FAM83E: variants seen among roughly 807,000 people sequenced by gnomAD.
FAM83E encodes scaffolding CK1 anchoring protein E.
A neutral mutation model predicts 34.3 loss-of-function variants in FAM83E; 29 were observed. The observed-to-expected ratio is 0.85, with a 90% CI of 0.63 to 1.15. FAM83E has a LOEUF of 1.15. Ranked by LOEUF, FAM83E falls within the 50% of genes most tolerant of loss-of-function variation. FAM83E has a pLI of 0.00. For synonymous variants in FAM83E, 312 were observed against 311.6 expected, an observed-to-expected ratio of 1.00 and a Z score of -0.01; for missense variants, 697 against 685.0, an observed-to-expected ratio of 1.02 and a Z score of -0.20.
chr19:48,601,027 G>A lies in FAM83E; in HGVS notation c.*82C>T. ...GGCCAGAAGCCTTGTCCAAGGCAGG[G>A]CATTGAGGCAGAGGGCTCTGAGCCG... On this transcript the variant is annotated 3_prime_UTR_variant, in exon 7 of 7. Transcript: ENST00000263266. 1.3e-6 allele frequency: 2 copies of A among 1,510,028 alleles called. No individual in the cohort carries two copies. The highest frequency in any genetic ancestry group is 2.2e-5 in the Admixed American group (1 of 45,648). 93.5% of individuals were successfully genotyped at this position (1,510,028 alleles called of 1,614,324 possible).
intron 5 of FAM83E, chr19:48,606,633 C>T: frequency 3.5e-6 from 1 of 287,038 alleles, no homozygotes. Context: ...TGCGCCCCGG[C>T]AGGTCGGCGG....
intron 3 of FAM83E, 129 bp from the exon 4 acceptor site, chr19:48,610,976 A>T: frequency 1.1e-6 from 1 of 939,880 alleles, no homozygotes; most frequent in Non-Finnish European, 1.6e-6. Flanking sequence ...TTTAAAGTTC[A>T]GGTGGGCTAA....
In FAM83E at chr19:48,614,777, GGCTCCCCGGCTTCTACTTCTGCGGT is replaced by G. The variant is rs1192792991; in HGVS notation, c.-1350_-1326del. 7.2e-4 allele frequency: 714 copies of G among 985,382 alleles called. No individual in the cohort carries two copies. Among genetic ancestry groups the G allele is most frequent in the Admixed American group, 6.1e-3 (99 of 16,230 alleles). The allele number at this position is 985,382 out of a possible 1,614,324, so 61.0% of individuals were successfully genotyped here. ...TGCTTTTTCCGAGAACGTAGGCTGTGGCTCCCCGGCTTCTACTTCTGCGGTGCTTCCCGGCTTCTGGCCTCACTCA... is the reference window on the plus strand; with the variant it reads ...TGCTTTTTCCGAGAACGTAGGCTGTGGCTTCCCGGCTTCTGGCCTCACTCA... On this transcript the variant is annotated 5_prime_UTR_variant, in exon 2 of 7. The change abolishes the stop of an existing upstream ORF in the 5' untranslated region. Transcript: ENST00000263266.
At chr19:48,610,062 C>T (rs1974014646) in intron 4 of FAM83E, 62 bp from the exon 5 acceptor site, 6 of 1,577,822 alleles carry the variant, frequency 3.8e-6, no homozygotes, top group Non-Finnish European at 4.3e-6. Context: ...ATTCAGGCTC[C>T]CTCCAGACTG....
At chr19:48,614,881 G>A (rs1974122889) in intron 1 of FAM83E, 42 bp from the exon 2 acceptor site, 2 of 757,546 alleles carry the variant, frequency 2.6e-6, no homozygotes, top group African/African-American at 1.9e-5. Context: ...AACACAGGAG[G>A]GCCCCCACAG....
intron 5 of FAM83E, among the ~76,000 whole-genome samples, chr19:48,606,571 C>A (rs373007068): frequency 6.6e-6 from 1 of 152,196 alleles, no homozygotes; most frequent in Non-Finnish European, 1.5e-5. Flanking sequence ...TTGTGGCCAG[C>A]GTCCTCTGGG....
intron 5 of FAM83E, among the ~76,000 whole-genome samples, chr19:48,609,210 GCTGTGCTGTGACC>G (rs1349883610): frequency 4.0e-5 from 6 of 151,152 alleles, no homozygotes; most frequent in Non-Finnish European, 5.9e-5. Context: ...CTCCTCCCTA[GCTGTGCTGTGACC>G]CTGTGAGGTA....
At chr19:48,604,028 A>G in intron 5 of FAM83E, 117 bp from the exon 6 acceptor site, 2 of 1,004,650 alleles carry the variant, frequency 2.0e-6, no homozygotes, top group Non-Finnish European at 2.8e-6. Context: ...TGACCTCTCC[A>G]GCCTCAGCTT....
At chr19:48,611,230 G>A (rs1424433147) in intron 3 of FAM83E, among the ~76,000 whole-genome samples, 2 of 151,388 alleles carry the variant, frequency 1.3e-5, no homozygotes, top group Non-Finnish European at 2.9e-5. Flanking sequence ...GCTCAGGGGC[G>A]CAATCTCAGC....
chr19:48,600,923 G>T lies in FAM83E; in HGVS notation c.*186C>A, dbSNP rs939617054. On this transcript the variant is annotated 3_prime_UTR_variant, in exon 7 of 7. Transcript: ENST00000263266. ...CCACCTTAGCCTCCCAAAGTGCAGG[G>T]ATTACAGGCATGAGCCACCACTCCC... The T allele has an allele frequency of 7.5e-7, 1 of 1,325,594 alleles. No individual in the cohort carries two copies. Among genetic ancestry groups the T allele is most frequent in the Non-Finnish European group, 9.8e-7 (1 of 1,015,258 alleles). The allele number at this position is 1,325,594 out of a possible 1,614,324, so 82.1% of individuals were successfully genotyped here.
In FAM83E at chr19:48,600,651, T is replaced by TTTC. The variant is rs1491147830; in HGVS notation, c.*457_*458insGAA. Among the ~76,000 whole-genome samples the TTTC allele has an allele frequency of 1.5e-5, 2 of 130,048 alleles. No individual in the cohort carries two copies. The highest frequency in any genetic ancestry group is 6.2e-5 in the African/African-American group (2 of 32,408). The allele number at this position is 130,048 out of a possible 152,430, so 85.3% of individuals were successfully genotyped here. A position where few individuals can be genotyped will look rare whatever the true frequency, so the allele number is the denominator to read the frequency against. On this transcript the variant is annotated 3_prime_UTR_variant, in exon 7 of 7. Coordinates refer to ENST00000263266, the MANE Select transcript of FAM83E (RefSeq NM_017708.4). ...GATCAGCCTTTCTTTTTCTTTTTTC[T>TTTC]TTTTTTTTTTTTTTTAAAGAGATGG...
intron 2 of FAM83E, 29 bp from the exon 3 acceptor site, chr19:48,614,656 G>A: frequency 1.0e-6 from 1 of 975,484 alleles, no homozygotes; most frequent in African/African-American, 1.8e-5. Flanking sequence ...AGTCAAGGCA[G>A]GCCAGCCTCC....
rs541358910 is a variant in FAM83E at position 48,600,583 on chromosome 19, C to T, written c.*526G>A. On this transcript the variant is annotated 3_prime_UTR_variant, in exon 7 of 7. Transcript: ENST00000263266. ...TCCTGACCTCAGGTGATCCACATGC[C>T]TCAGCCTCCCAAAGTGCTGGGATTA... is the stretch of plus-strand genomic sequence containing the variant. 3.3e-5 allele frequency among the ~76,000 whole-genome samples: 5 copies of T among 152,198 alleles called. No individual in the cohort carries two copies. The highest frequency in any genetic ancestry group is 1.2e-4 in the African/African-American group (5 of 41,526).
intron 5 of FAM83E, among the ~76,000 whole-genome samples, chr19:48,604,320 G>A (rs1393408615): frequency 7.1e-6 from 1 of 140,582 alleles, no homozygotes; most frequent in Non-Finnish European, 1.5e-5. Context: ...CTTGACCCTG[G>A]GATTTTTTTT....
In FAM83E at chr19:48,613,412, G is replaced by A; in HGVS notation, c.-40C>T. 6.8e-7 allele frequency: 1 copy of A among 1,473,750 alleles called. No individual in the cohort carries two copies. 91.3% of individuals were successfully genotyped at this position (1,473,750 alleles called of 1,614,324 possible). A position where few individuals can be genotyped will look rare whatever the true frequency, so the allele number is the denominator to read the frequency against. ...TGGGAGGACTGACTGTGAGAGGCTG[G>A]GTCCCCGGGGGTCTGGCTGTCTCTG... is the stretch of plus-strand genomic sequence containing the variant. On this transcript the variant is annotated 5_prime_UTR_variant, in exon 3 of 7. Coordinates refer to ENST00000263266, the MANE Select transcript of FAM83E (RefSeq NM_017708.4).
In FAM83E at chr19:48,603,822, G is replaced by C; in HGVS notation, c.848C>G (p.Thr283Arg). ...IVDAFSLEFR[T>R]LYAASCPLPP... is the part of the protein sequence containing the mutation. ...GAGCGGGCAGGAGGCCGCGTACAGC[G>C]TCCGGAACTCAAGGCTGAAGGCGTC... The change falls in exon 6 of 7, where the codon ACG becomes AGG. Residue 283 changes from threonine (T) to arginine (R), a missense_variant. Physicochemically the swap from Thr to Arg is moderately conservative, Grantham distance 71. Transcript: ENST00000263266. 4 of 1,608,034 alleles carry C rather than the reference G, an allele frequency of 2.5e-6. No homozygotes were observed. Among genetic ancestry groups the C allele is most frequent in the Non-Finnish European group, 3.4e-6 (4 of 1,177,434 alleles).
At chr19:48,611,162 T>TGTC (rs780748253) in intron 3 of FAM83E, among the ~76,000 whole-genome samples, 2 of 151,270 alleles carry the variant, frequency 1.3e-5, no homozygotes, top group Non-Finnish European at 2.9e-5. Context: ...TTGTTGTTGT[T>TGTC]GTTTTTTGTT....
intron 3 of FAM83E, among the ~76,000 whole-genome samples, chr19:48,611,081 G>A (rs1301357709): frequency 2.0e-5 from 3 of 152,054 alleles, no homozygotes; most frequent in African/African-American, 4.8e-5. Context: ...GCCCCTCCTC[G>A]AGATTCCCGG....
At position 48,613,099 on chromosome 19, in the gene FAM83E, C is replaced by G. The variant is rs779923726; in HGVS notation, c.274G>C (p.Asp92His). The G allele has an allele frequency of 6.2e-7, 1 of 1,610,216 alleles. No homozygotes were observed. Among genetic ancestry groups the G allele is most frequent in the Admixed American group, 1.7e-5 (1 of 59,712 alleles). The change falls in exon 3 of 7, where the codon GAT (aspartate) becomes CAT (histidine). Residue 92 changes from aspartate (D) to histidine (H), a missense_variant. Transcript: ENST00000263266. Reference sequence around the variant, plus strand: ...TAGCTCAGGCTGCCCGCGTCCACATCGGTGGTGGTGGCTCCCTCTGCCATC... The same window carrying G: ...TAGCTCAGGCTGCCCGCGTCCACATGGGTGGTGGTGGCTCCCTCTGCCATC... ...SGMAEGATTT[D>H]VDAGSLSYWP...
Sources: allele counts gnomAD v4.1 joint callset (sites outside exome capture counted in the v4.1 genomes callset), GRCh38; gene constraint gnomAD v4.1.1; transcripts MANE v1.5; gene names NCBI Gene and HGNC (gene_info 2026-07-23, HGNC 2026-07-21).